HMCN2: variants seen among roughly 807,000 people sequenced by gnomAD.
HMCN2 encodes the protein hemicentin 2, also known as hemicentin-2.
HMCN2 carries 325 observed loss-of-function variants against 377.5 expected under a neutral mutation model. The observed-to-expected ratio is 0.86, with a 90% CI of 0.79 to 0.94. The LOEUF is 0.94. HMCN2 is among the 40% of genes least tolerant of loss of function. The pLI is 0.00. For missense variants in HMCN2, 4,543 were observed against 4,725.3 expected, an observed-to-expected ratio of 0.96 and a Z score of 1.13; for synonymous variants, 2,007 against 2,046.8, an observed-to-expected ratio of 0.98 and a Z score of 0.53.
intron 97 of HMCN2, 112 bp downstream of exon 97, chr9:130,432,667 G>A (rs1844833224): frequency 5.0e-6 from 6 of 1,201,774 alleles, no homozygotes; most frequent in Non-Finnish European, 7.0e-6. Context: ...GATGCAGGCA[G>A]GAACGCACGG....
At chr9:130,378,813 G>GCC (rs1293533068) in intron 53 of HMCN2, among the ~76,000 whole-genome samples, 1 of 152,146 alleles carries the variant, frequency 6.6e-6, no homozygotes, top group Non-Finnish European at 1.5e-5. Flanking sequence ...ACAACCTGGG[G>GCC]ATGACACGGC....
intron 94 of HMCN2, 176 bp from the exon 95 acceptor site, chr9:130,430,108 G>C (rs564358224): frequency 1.6e-6 from 1 of 631,048 alleles, no homozygotes; most frequent in Middle Eastern, 4.3e-4. Flanking sequence ...AGGTGGAATC[G>C]GAGAGGAGGC....
chr9:130,290,882 A>G (rs1418435913), intron 4 of HMCN2, among the ~76,000 whole-genome samples: 1 of 131,722 alleles, frequency 7.6e-6, no homozygotes, highest in African/African-American at 3.1e-5. Context: ...AAAAAAAAAC[A>G]AAAACCCAAA....
intron 31 of HMCN2, among the ~76,000 whole-genome samples, chr9:130,353,825 C>T (rs1408108239): frequency 6.6e-6 from 1 of 152,130 alleles, no homozygotes; most frequent in African/African-American, 2.4e-5. Context: ...GAAAGGGTGT[C>T]GGTGGCTCTG....
At chr9:130,419,212 G>A (rs1440754033) in intron 86 of HMCN2, 171 bp downstream of exon 86, 2 of 574,920 alleles carry the variant, frequency 3.5e-6, no homozygotes, top group Non-Finnish European at 5.4e-6. Flanking sequence ...TTACAGTTGG[G>A]TAAACTGAAT....
chr9:130,422,417 G>A lies in HMCN2; in HGVS notation c.13232-160G>A, dbSNP rs113673250. The stretch of plus-strand genomic sequence containing the variant: ...CTTTTAGAGCCAAGATCCCCTGGGC[G>A]TTGAGTCCATGACCCCTTAGCTGTG... On this transcript the variant is annotated intron_variant, in intron 86 of 97. Coordinates refer to ENST00000683500, the MANE Select transcript of HMCN2 (RefSeq NM_001291815.2). This position sits in a 1 kb window ranked among gnomAD's most constrained non-coding sequence, Gnocchi z 4.2. 5.8e-3 allele frequency among the ~76,000 whole-genome samples: 890 copies of A among 152,310 alleles called. 11 individuals carry two copies. The highest frequency in any genetic ancestry group is 0.014 in the African/African-American group (592 of 41,566).
intron 92 of HMCN2, 137 bp downstream of exon 92, chr9:130,427,756 C>A: frequency 1.8e-6 from 2 of 1,106,592 alleles, no homozygotes; most frequent in Non-Finnish European, 2.5e-6. Context: ...GTTTTGATGT[C>A]AGCCTGGGGG....
intron 1 of HMCN2, among the ~76,000 whole-genome samples, chr9:130,282,003 A>C (rs1835148626): frequency 6.6e-6 from 1 of 152,208 alleles, no homozygotes; most frequent in Non-Finnish European, 1.5e-5. Flanking sequence ...GTATTTAGTA[A>C]CTGTCATTAT....
intron 25 of HMCN2, among the ~76,000 whole-genome samples, chr9:130,344,088 C>T (rs1016689105): frequency 1.1e-4 from 17 of 152,260 alleles, no homozygotes; most frequent in Non-Finnish European, 1.6e-4. Context: ...GCTTCAGGGC[C>T]GTCCTGCACT....
At chr9:130,427,673 G>T (rs994289079) in intron 92 of HMCN2, 54 bp downstream of exon 92, 1 of 1,507,926 alleles carries the variant, frequency 6.6e-7, no homozygotes, top group African/African-American at 1.4e-5. Context: ...CCTGACCCAG[G>T]TGTGCAGAAG....
intron 62 of HMCN2, among the ~76,000 whole-genome samples, chr9:130,390,183 C>G (rs1187976111): frequency 1.3e-5 from 2 of 152,128 alleles, no homozygotes; most frequent in East Asian, 1.9e-4. Context: ...CACCTCTGCT[C>G]CCCCCGGCTG....
At chr9:130,427,702 C>G in intron 92 of HMCN2, 83 bp downstream of exon 92, 1 of 1,454,072 alleles carries the variant, frequency 6.9e-7, no homozygotes. Context: ...GGGCCAGGAC[C>G]CTGGCTGGGG....
At chr9:130,383,998 C>T (rs959152689) in intron 57 of HMCN2, among the ~76,000 whole-genome samples, 3 of 151,122 alleles carry the variant, frequency 2.0e-5, no homozygotes, top group African/African-American at 7.4e-5. Context: ...TGTCCCGGAG[C>T]CTGCACTCCT....
chr9:130,330,230 T>C (rs1248175592), intron 22 of HMCN2, among the ~76,000 whole-genome samples: 1 of 152,132 alleles, frequency 6.6e-6, no homozygotes, highest in Non-Finnish European at 1.5e-5. Context: ...CCTGCTCCCT[T>C]GCTCCTCTTC....
chr9:130,315,277 CCTTCCCCT>C (rs1837504148), intron 15 of HMCN2, among the ~76,000 whole-genome samples: 1 of 6,570 alleles, frequency 1.5e-4, no homozygotes, highest in Non-Finnish European at 3.1e-4. Context: ...CCCCTCCCCT[CCTTCCCCT>C]CCCTCCCCTC....
At chr9:130,418,127 T>C (rs185056347) in intron 85 of HMCN2, among the ~76,000 whole-genome samples, 74 of 152,238 alleles carry the variant, frequency 4.9e-4, no homozygotes, top group African/African-American at 1.4e-3. Context: ...CCCCACTTCA[T>C]TGGAAGCAGT....
At chr9:130,333,804 A>G (rs922711643) in intron 22 of HMCN2, among the ~76,000 whole-genome samples, 8 of 152,232 alleles carry the variant, frequency 5.3e-5, no homozygotes, top group Admixed American at 1.3e-4. Flanking sequence ...CCCCAGGCCC[A>G]TAGCTGCAGC....
At chr9:130,312,950 G>T (rs1430168187) in intron 15 of HMCN2, among the ~76,000 whole-genome samples, 7 of 152,140 alleles carry the variant, frequency 4.6e-5, no homozygotes, top group African/African-American at 1.7e-4. Context: ...ATGAGCCACT[G>T]TGCCTGGCCC....
At position 130,383,254 on chromosome 9, in the gene HMCN2, C is replaced by T. The variant is rs972886605; in HGVS notation, c.8734-250C>T. 8.8e-5 allele frequency among the ~76,000 whole-genome samples: 10 copies of T among 113,390 alleles called. No individual in the cohort carries two copies. The Admixed American group carries it at 1.1e-3, about 12-fold the overall frequency. 74.4% of individuals were successfully genotyped at this position (113,390 alleles called of 152,430 possible). ...TGGGAGCCCAACACACACAGCACGG[C>T]CCTCCACAGGGGTGGGGGAGGCTCT... On this transcript the variant is annotated intron_variant, in intron 56 of 97. Coordinates refer to ENST00000683500, the MANE Select transcript of HMCN2 (RefSeq NM_001291815.2).
Sources: gnomAD v4.1 joint callset for allele counts (sites outside exome capture counted in the v4.1 genomes callset) on GRCh38, gnomAD v4.1.1 for gene constraint, Gnocchi (gnomAD v3.1) non-coding constraint, MANE v1.5 for transcripts, NCBI Gene and HGNC (gene_info 2026-07-23, HGNC 2026-07-21) for gene names.